Variants in STAT4 observed in about 807,000 individuals in gnomAD.
The protein encoded by STAT4 is signal transducer and activator of transcription 4.
STAT4 carries 42 observed loss-of-function variants against 110.5 expected under a neutral mutation model. The observed-to-expected ratio is 0.38, with a 90% CI of 0.30 to 0.49. The LOEUF (loss-of-function observed/expected upper bound fraction) is 0.49, where lower values mean the gene tolerates loss of function less well. Ranked by LOEUF, STAT4 falls within the 20% of genes least tolerant of loss-of-function variation. The pLI, the probability that STAT4 is intolerant of heterozygous loss-of-function variation, is 0.95. For missense variants in STAT4, 632 were observed against 887.9 expected (o/e 0.71, Z 3.66); for synonymous variants, 284 against 302.2 (o/e 0.94, Z 0.63).
In STAT4 at chr2:191,066,426, T is replaced by C. The variant is rs190880718; in HGVS notation, c.630+4A>G. 2.5e-6 allele frequency: 4 copies of C among 1,612,438 alleles called. No individual in the cohort carries two copies. Among genetic ancestry groups the C allele is most frequent in the Admixed American group, 3.3e-5 (2 of 59,898 alleles). ...AAAAGCCCAAATTAAAATTCTTCAC[T>C]AACCTTTCTCTTGAAATCGAGGCTG... On this transcript the variant is annotated splice_donor_region_variant and intron_variant, in intron 7 of 23. Coordinates refer to ENST00000392320, the MANE Select transcript of STAT4 (RefSeq NM_003151.4). This position sits in a 1 kb window ranked among gnomAD's most constrained non-coding sequence, Gnocchi z 4.3.
rs554042093 is a variant in STAT4 at position 191,082,021 on chromosome 2, A to C, written c.274-5696T>G. Among the ~76,000 whole-genome samples the C allele has an allele frequency of 1.3e-5, 2 of 152,330 alleles. No individual in the cohort carries two copies. The highest frequency in any genetic ancestry group is 4.1e-4 in the South Asian group (2 of 4,830). On this transcript the variant is annotated intron_variant, in intron 3 of 23. Coordinates refer to ENST00000392320, the MANE Select transcript of STAT4 (RefSeq NM_003151.4). The surrounding 1 kb of genome is among the most constrained non-coding windows in gnomAD (Gnocchi z 4.7). ...TAATGATAATACTGTGCAATGCATG[A>C]ATCATTCACTCCAGGGTCTTATTGT...
chr2:191,115,040 T>C (rs1487438321), intron 3 of STAT4, among the ~76,000 whole-genome samples: 1 of 152,246 alleles, frequency 6.6e-6, no homozygotes, highest in Non-Finnish European at 1.5e-5. Flanking sequence ...TGATTTTTTT[T>C]ACAACAAGTA....
chr2:191,052,412 G>T lies in STAT4; in HGVS notation c.1251+2078C>A, dbSNP rs567452870. ...TCGGCAAACCTGGAAAAAAAGGGAA[G>T]AAATAAAATCATTCTGATACGACTG... On this transcript the variant is annotated intron_variant, in intron 14 of 23. Coordinates refer to ENST00000392320, the MANE Select transcript of STAT4 (RefSeq NM_003151.4). 3.3e-5 allele frequency among the ~76,000 whole-genome samples: 5 copies of T among 152,262 alleles called. No individual in the cohort carries two copies. The South Asian group carries it at 8.3e-4, about 25-fold the overall frequency.
rs572636061 is a variant in STAT4 at position 191,143,391 on chromosome 2, C to A, written c.273+3222G>T. ...GAATATCTTACTCAGGGCCACATTG[C>A]AAGTGGCAGGGCCAGGATTCAAGTA... is the stretch of plus-strand genomic sequence containing the variant. On this transcript the variant is annotated intron_variant, in intron 3 of 23. Coordinates refer to ENST00000392320, the MANE Select transcript of STAT4 (RefSeq NM_003151.4). This position sits in a 1 kb window ranked among gnomAD's most constrained non-coding sequence, Gnocchi z 5.6. Among the ~76,000 whole-genome samples the A allele has an allele frequency of 6.6e-6, 1 of 152,244 alleles. No individual in the cohort carries two copies. The highest frequency in any genetic ancestry group is 6.5e-5 in the Admixed American group (1 of 15,290).
In STAT4 at chr2:191,037,462, G is replaced by T. The variant is rs1696075764; in HGVS notation, c.1435-1163C>A. Among the ~76,000 whole-genome samples the T allele has an allele frequency of 6.6e-6, 1 of 152,134 alleles. No individual in the cohort carries two copies. Among genetic ancestry groups the T allele is most frequent in the Non-Finnish European group, 1.5e-5 (1 of 68,028 alleles). On this transcript the variant is annotated intron_variant, in intron 16 of 23. Coordinates refer to ENST00000392320, the MANE Select transcript of STAT4 (RefSeq NM_003151.4). This position sits in a 1 kb window ranked among gnomAD's most constrained non-coding sequence, Gnocchi z 4.8. ...TACCATTGTGCCCAGCTAAATAAGAGAATATTCTGTGTGATCGACTACAAA... is the reference window on the plus strand; with the variant it reads ...TACCATTGTGCCCAGCTAAATAAGATAATATTCTGTGTGATCGACTACAAA...
At chr2:191,067,379 A>C (rs114409289) in intron 6 of STAT4, among the ~76,000 whole-genome samples, 3,317 of 152,154 alleles carry the variant, frequency 0.022, 54 homozygotes, top group Non-Finnish European at 0.034. Context: ...TAAGAGGAAC[A>C]CAATTGCCTT....
Position 191,039,307 on chromosome 2 carries a change from G to C in STAT4, c.1336-10C>G. 4 of 1,612,838 alleles carry C rather than the reference G, an allele frequency of 2.5e-6. No individual in the cohort carries two copies. The highest frequency in any genetic ancestry group is 3.4e-6 in the Non-Finnish European group (4 of 1,178,896). On this transcript the variant is annotated splice_polypyrimidine_tract_variant and intron_variant, in intron 15 of 23. Coordinates refer to ENST00000392320, the MANE Select transcript of STAT4 (RefSeq NM_003151.4). The surrounding 1 kb of genome is among the most constrained non-coding windows in gnomAD (Gnocchi z 4.7). ...CAGGCAATGAGCTGGTCTGGTTTGG[G>C]GGGAAAAAAGCATAGTTATTACAGG...
At chr2:191,071,815 TGAA>T (rs1228061678) in intron 5 of STAT4, among the ~76,000 whole-genome samples, 1 of 152,164 alleles carries the variant, frequency 6.6e-6, no homozygotes, top group Non-Finnish European at 1.5e-5. Context: ...AGGGATTTGT[TGAA>T]GGAGTCCTCT....
At position 191,058,858 on chromosome 2, in the gene STAT4, A is replaced by T. The variant is rs1476040983; in HGVS notation, c.1035-89T>A. On this transcript the variant is annotated intron_variant, in intron 10 of 23. Transcript: ENST00000392320. The surrounding 1 kb of genome is among the most constrained non-coding windows in gnomAD (Gnocchi z 4.3). Reference sequence around the variant, plus strand: ...TTATATTTAAACATTTAAATATACTATGAAATATGCATATAAATAAACCTT... The same window carrying T: ...TTATATTTAAACATTTAAATATACTTTGAAATATGCATATAAATAAACCTT... 1.4e-6 allele frequency: 1 copy of T among 719,752 alleles called. No individual in the cohort carries two copies. Among genetic ancestry groups the T allele is most frequent in the Non-Finnish European group, 2.3e-6 (1 of 426,690 alleles). 44.6% of individuals were successfully genotyped at this position (719,752 alleles called of 1,614,324 possible).
rs969869838 is a variant in STAT4 at position 191,051,733 on chromosome 2, G to T, written c.1251+2757C>A. On this transcript the variant is annotated intron_variant, in intron 14 of 23. Coordinates refer to ENST00000392320, the MANE Select transcript of STAT4 (RefSeq NM_003151.4). This position sits in a 1 kb window ranked among gnomAD's most constrained non-coding sequence, Gnocchi z 5.6. ...TGCCAACCAGCTCGCCTCTCCCAGGGAAGGTTCTGCGACCCAGAGGCAGCA... is the reference window on the plus strand; with the variant it reads ...TGCCAACCAGCTCGCCTCTCCCAGGTAAGGTTCTGCGACCCAGAGGCAGCA... 6.6e-6 allele frequency among the ~76,000 whole-genome samples: 1 copy of T among 152,204 alleles called. No homozygotes were observed. The highest frequency in any genetic ancestry group is 2.4e-5 in the African/African-American group (1 of 41,446).
rs1219336402 is a variant in STAT4 at position 191,066,545 on chromosome 2, TTC to T, written c.545-32_545-31del. ...AAAGGTAAAGAGATCAGATTTAGAGTTCTCTCTATTCCTGAAAGTCAAGTCAG... is the reference window on the plus strand; with the variant it reads ...AAAGGTAAAGAGATCAGATTTAGAGTTCTCTATTCCTGAAAGTCAAGTCAG... On this transcript the variant is annotated intron_variant, in intron 6 of 23. Transcript: ENST00000392320. This position sits in a 1 kb window ranked among gnomAD's most constrained non-coding sequence, Gnocchi z 4.3. The T allele has an allele frequency of 1.3e-6, 2 of 1,596,088 alleles. No individual in the cohort carries two copies. The highest frequency in any genetic ancestry group is 1.7e-6 in the Non-Finnish European group (2 of 1,165,956).
chr2:191,105,484 G>C (rs533698676), intron 3 of STAT4, among the ~76,000 whole-genome samples: 6 of 152,256 alleles, frequency 3.9e-5, no homozygotes, highest in Non-Finnish European at 7.4e-5. Flanking sequence ...GAGTACATCA[G>C]ATTATCTTAA....
intron 3 of STAT4, among the ~76,000 whole-genome samples, chr2:191,108,379 A>AGAGTTT (rs1331964618): frequency 6.6e-6 from 1 of 152,206 alleles, no homozygotes; most frequent in Non-Finnish European, 1.5e-5. Flanking sequence ...TAAACATTAT[A>AGAGTTT]ACTATAAACT....
Position 191,033,409 on chromosome 2 carries a change from A to G in STAT4, c.1852+81T>C. The G allele has an allele frequency of 6.8e-7, 1 of 1,474,020 alleles. No homozygotes were observed. The highest frequency in any genetic ancestry group is 9.2e-7 in the Non-Finnish European group (1 of 1,091,738). 91.3% of individuals were successfully genotyped at this position (1,474,020 alleles called of 1,614,324 possible). A position where few individuals can be genotyped will look rare whatever the true frequency, so the allele number is the denominator to read the frequency against. On this transcript the variant is annotated intron_variant, in intron 20 of 23. Transcript: ENST00000392320. This position sits in a 1 kb window ranked among gnomAD's most constrained non-coding sequence, Gnocchi z 6.9. ...TACATCACAGACAGATCAACACACC[A>G]TACACTTCCAAAAACTGAAATCCCA...
Position 191,090,075 on chromosome 2 carries a change from T to C in STAT4, c.274-13750A>G, listed in dbSNP as rs1445008505. On this transcript the variant is annotated intron_variant, in intron 3 of 23. Transcript: ENST00000392320. The surrounding 1 kb of genome is among the most constrained non-coding windows in gnomAD (Gnocchi z 4.2). ...GACTTTAGTTAATAATAATATAATA[T>C]TGTAATAATATAAAATTGTAACAAG... is the stretch of plus-strand genomic sequence containing the variant. 5.3e-5 allele frequency among the ~76,000 whole-genome samples: 8 copies of C among 152,062 alleles called. No homozygotes were observed. Among genetic ancestry groups the C allele is most frequent in the Non-Finnish European group, 1.0e-4 (7 of 68,002 alleles).
intron 4 of STAT4, among the ~76,000 whole-genome samples, chr2:191,075,594 C>T (rs1173511020): frequency 6.6e-6 from 1 of 152,052 alleles, no homozygotes; most frequent in African/African-American, 2.4e-5. Flanking sequence ...TATTTCTAGG[C>T]TAATATTGTA....
In STAT4 at chr2:191,059,761, G is replaced by T. The variant is rs537542066; in HGVS notation, c.1035-992C>A. Among the ~76,000 whole-genome samples the T allele has an allele frequency of 6.6e-6, 1 of 152,322 alleles. No homozygotes were observed. Among genetic ancestry groups the T allele is most frequent in the South Asian group, 2.1e-4 (1 of 4,828 alleles). ...AAAAGGGTGGGTAGAATGTTGCAAA[G>T]GCTCTTTAAAAGTCCTGTACAAGGC... On this transcript the variant is annotated intron_variant, in intron 10 of 23. Transcript: ENST00000392320. The surrounding 1 kb of genome is among the most constrained non-coding windows in gnomAD (Gnocchi z 4.7).
At chr2:191,128,579 T>C (rs1474589384) in intron 3 of STAT4, among the ~76,000 whole-genome samples, 1 of 152,228 alleles carries the variant, frequency 6.6e-6, no homozygotes, top group Non-Finnish European at 1.5e-5. Flanking sequence ...AACTCACTTA[T>C]GGCTTGATTT....
chr2:191,080,715 A>C (rs1697442174), intron 3 of STAT4, among the ~76,000 whole-genome samples: 1 of 152,174 alleles, frequency 6.6e-6, no homozygotes, highest in South Asian at 2.1e-4. Flanking sequence ...ATGTCCATGG[A>C]ATCATTGAGA....
Sources: allele counts gnomAD v4.1 joint callset (sites outside exome capture counted in the v4.1 genomes callset), GRCh38; gene constraint gnomAD v4.1.1; non-coding constraint Gnocchi (gnomAD v3.1); transcripts MANE v1.5; gene names NCBI Gene and HGNC (gene_info 2026-07-23, HGNC 2026-07-21).